NAV1: variants seen among roughly 807,000 people sequenced by gnomAD.
The protein encoded by NAV1 is neuron navigator 1, also known as pore membrane and/or filament interacting like protein 3.
Under a neutral mutation model 175.2 loss-of-function variants are expected in NAV1, and 18 were observed. That is an observed-to-expected ratio of 0.10 (90% CI 0.07 to 0.15). The LOEUF (loss-of-function observed/expected upper bound fraction) is 0.15. Among genes scored for constraint, NAV1 ranks in the 10% least tolerant of loss-of-function variants. The pLI is 1.00. For synonymous variants in NAV1, 897 were observed against 978.7 expected, an observed-to-expected ratio of 0.92 and a Z score of 1.56; for missense variants, 1,731 against 2,436.6, an observed-to-expected ratio of 0.71 and a Z score of 6.10.
intron 3 of NAV1, among the ~76,000 whole-genome samples, chr1:201,757,249 CTTTCTTTTTTCTT>C (rs948363336): frequency 6.6e-6 from 1 of 152,104 alleles, no homozygotes; most frequent in Non-Finnish European, 1.5e-5. Context: ...CTTTCAGTTT[CTTTCTTTTTTCTT>C]TTTCTTTTTT....
rs568611689 is a variant in NAV1 at position 201,789,905 on chromosome 1, C to T, written c.3219+113C>T. 4 of 989,008 alleles carry T rather than the reference C, an allele frequency of 4.0e-6. No individual in the cohort carries two copies. In the South Asian group the frequency reaches 5.3e-5, roughly 13 times the overall value. 61.3% of individuals were successfully genotyped at this position (989,008 alleles called of 1,614,324 possible). A position where few individuals can be genotyped will look rare whatever the true frequency, so the allele number is the denominator to read the frequency against. ...GCGGGGGATGGGGGCACTGCTGGCT[C>T]TTCACTGTACCCATTGGGGTGGGAA... On this transcript the variant is annotated intron_variant, in intron 11 of 29. Transcript: ENST00000367296.
At chr1:201,575,603 G>C (rs1167499690) in intron 1 of NAV1, among the ~76,000 whole-genome samples, 1 of 152,106 alleles carries the variant, frequency 6.6e-6, no homozygotes, top group Non-Finnish European at 1.5e-5. Flanking sequence ...AAATGTTCAG[G>C]GGCCCCTTAA....
At chr1:201,565,494 C>T (rs939688414) in intron 1 of NAV1, among the ~76,000 whole-genome samples, 1 of 152,108 alleles carries the variant, frequency 6.6e-6, no homozygotes, top group African/African-American at 2.4e-5. Context: ...CTGCCAGCAG[C>T]GGGCATGGGG....
At chr1:201,623,355 A>C (rs1668232821) in exon 1 of NAV1, 1 of 985,820 alleles carries the variant, frequency 1.0e-6, no homozygotes, top group Non-Finnish European at 1.2e-6. Flanking sequence ...GAGAAACTCA[A>C]ATACCAGGGG....
intron 1 of NAV1, 108 bp from the exon 4 acceptor site, chr1:201,629,296 T>C (rs1668420992): frequency 7.4e-6 from 5 of 678,450 alleles, no homozygotes; most frequent in Non-Finnish European, 1.1e-5. Context: ...TGCAGGGCAC[T>C]ATCAGAGAAG....
chr1:201,640,131 C>G (rs936351778), intron 2 of NAV1, among the ~76,000 whole-genome samples: 2 of 152,066 alleles, frequency 1.3e-5, no homozygotes, highest in African/African-American at 4.8e-5. Context: ...CTCATTTTCC[C>G]CAATAGACAG....
At chr1:201,748,914 G>A (rs774486702) in intron 3 of NAV1, among the ~76,000 whole-genome samples, 2 of 152,108 alleles carry the variant, frequency 1.3e-5, no homozygotes, top group South Asian at 2.1e-4. Flanking sequence ...TTGGGAGGCC[G>A]AGGCAGGCAG....
rs752363488 is a variant in NAV1, at chr1:201,782,413, C to A, written c.1901C>A (p.Ser634Tyr). 1.2e-6 allele frequency: 2 copies of A among 1,614,112 alleles called. No individual in the cohort carries two copies. Among genetic ancestry groups the A allele is most frequent in the East Asian group, 4.5e-5 (2 of 44,872 alleles). Residue 634 changes from serine to tyrosine, a missense_variant, in exon 6 of 30, where the codon TCC (serine) becomes TAC (tyrosine). By Grantham distance (144) the Ser-to-Tyr change is moderately radical. This residue lies in a region of NAV1 where 634 missense variants were observed against 766.8 expected (regional missense o/e 0.83). Coordinates refer to ENST00000367296, the Ensembl canonical transcript of NAV1. This position sits in a 1 kb window ranked among gnomAD's most constrained non-coding sequence, Gnocchi z 5.4. ...GCCACTCTCAGCAAGATCCAGAAGT[C>A]CTCAGGCATCCCTGTCAAGCCAGTA...
intron 1 of NAV1, among the ~76,000 whole-genome samples, chr1:201,556,675 C>G (rs919319047): frequency 2.0e-5 from 3 of 152,164 alleles, no homozygotes; most frequent in African/African-American, 7.2e-5. Context: ...TGTCCTAGCC[C>G]CAACCTTAGT....
intron 4 of NAV1, 100 bp from the exon 9 acceptor site, chr1:201,780,912 G>C: frequency 7.5e-7 from 1 of 1,334,294 alleles, no homozygotes; most frequent in Non-Finnish European, 1.0e-6. Context: ...AATACTCTGA[G>C]ATGAGCAGCG....
intron 28 of NAV1, 31 bp from the exon 33 acceptor site, chr1:201,817,057 C>T (rs1182027204): frequency 6.2e-7 from 1 of 1,604,302 alleles, no homozygotes; most frequent in Non-Finnish European, 8.5e-7. Flanking sequence ...TGTTAATTCC[C>T]CACAGTAATC....
chr1:201,739,747 G>A (rs1180241166), intron 3 of NAV1: 2 of 1,178,946 alleles, frequency 1.7e-6, no homozygotes, highest in East Asian at 3.7e-5. Flanking sequence ...CCTGCTCTGG[G>A]TGTTAAAGAG....
chr1:201,577,472 A>ATTTTTTTT (rs36112197), intron 1 of NAV1, among the ~76,000 whole-genome samples: 15 of 97,906 alleles, frequency 1.5e-4, no homozygotes, highest in Non-Finnish European at 1.9e-4. Flanking sequence ...TGAGACTTAG[A>ATTTTTTTT]TTTTTTTTTT....
chr1:201,808,777 A>G lies in NAV1; in HGVS notation c.4113A>G (p.Pro1371=), dbSNP rs770672734. The G allele has an allele frequency of 6.2e-7, 1 of 1,614,186 alleles. No individual in the cohort carries two copies. The highest frequency in any genetic ancestry group is 8.5e-7 in the Non-Finnish European group (1 of 1,180,046). Reference sequence around the variant, plus strand: ...CAGGCCCCTCATCAGGCTCCACTCCAGGGCAGGTCCCTGGATCATCTGCAT... The same window carrying G: ...CAGGCCCCTCATCAGGCTCCACTCCGGGGCAGGTCCCTGGATCATCTGCAT... The change falls in exon 20 of 30, where the codon CCA becomes CCG. Residue 1371 remains proline, a synonymous_variant. Coordinates refer to ENST00000367296, the Ensembl canonical transcript of NAV1. This position sits in a 1 kb window ranked among gnomAD's most constrained non-coding sequence, Gnocchi z 5.5.
chr1:201,548,734 T>C (rs917882719), intron 1 of NAV1, among the ~76,000 whole-genome samples: 1 of 152,168 alleles, frequency 6.6e-6, no homozygotes, highest in Non-Finnish European at 1.5e-5. Flanking sequence ...AGGTACAAGA[T>C]AACTCATAAA....
chr1:201,764,368 G>A (rs931579863), intron 3 of NAV1, among the ~76,000 whole-genome samples: 2 of 152,196 alleles, frequency 1.3e-5, no homozygotes, highest in African/African-American at 2.4e-5. Context: ...GGTTTCTGAT[G>A]AGGCCTCTCT....
chr1:201,743,453 G>C (rs1443747922), intron 3 of NAV1, among the ~76,000 whole-genome samples: 1 of 152,240 alleles, frequency 6.6e-6, no homozygotes, highest in Admixed American at 6.5e-5. Context: ...ACCTTACAGA[G>C]ATTGCATAGC....
At chr1:201,613,783 A>G (rs1355957109) in intron 2 of NAV1, among the ~76,000 whole-genome samples, 1 of 152,074 alleles carries the variant, frequency 6.6e-6, no homozygotes, top group Non-Finnish European at 1.5e-5. Flanking sequence ...ACTCGCTTGA[A>G]CCTGGGAGGC....
At chr1:201,790,626 T>C in intron 12 of NAV1, 49 bp downstream of exon 16, 1 of 1,613,906 alleles carries the variant, frequency 6.2e-7, no homozygotes, top group Non-Finnish European at 8.5e-7. Flanking sequence ...CTGCACCTCA[T>C]TTTCCTTCCA....
Sources: allele counts gnomAD v4.1 joint callset (sites outside exome capture counted in the v4.1 genomes callset), GRCh38; gene constraint gnomAD v4.1.1; regional missense constraint gnomAD v4.1.1; non-coding constraint Gnocchi (gnomAD v3.1); transcripts MANE v1.5; gene names NCBI Gene and HGNC (gene_info 2026-07-23, HGNC 2026-07-21).